Variants in SPATA7 observed in about 807,000 individuals in gnomAD.
SPATA7 encodes the protein spermatogenesis-associated protein 7.
A neutral mutation model predicts 51.8 loss-of-function variants in SPATA7; 43 were observed. The observed-to-expected ratio is 0.83, with a 90% CI of 0.65 to 1.07. The LOEUF (loss-of-function observed/expected upper bound fraction) is 1.07. Among genes scored for constraint, SPATA7 ranks in the 50% least tolerant of loss-of-function variants. The pLI, the probability that SPATA7 is intolerant of heterozygous loss-of-function variation, is 0.00. For synonymous variants in SPATA7, 230 were observed against 252.8 expected (o/e 0.91, Z 0.86); for missense variants, 683 against 701.3 (o/e 0.97, Z 0.30).
intron 3 of SPATA7, among the ~76,000 whole-genome samples, chr14:88,446,385 T>A (rs1489768594): frequency 6.6e-6 from 1 of 152,224 alleles, no homozygotes; most frequent in African/African-American, 2.4e-5. Flanking sequence ...TTTTTGTTTA[T>A]TAGTCTTGCT....
intron 4 of SPATA7, among the ~76,000 whole-genome samples, chr14:88,402,959 C>CAAAAAAGA (rs2076103316): frequency 1.6e-5 from 1 of 62,018 alleles, no homozygotes; most frequent in African/African-American, 5.1e-5. Flanking sequence ...AACTCAATAG[C>CAAAAAAGA]AAAAAAAAAA....
chr14:88,432,577 T>C (rs2076970830), intron 9 of SPATA7: 1 of 152,264 alleles, frequency 6.6e-6, no homozygotes, highest in African/African-American at 2.4e-5. Flanking sequence ...TGAGAATTTT[T>C]CGTCTCCAAA....
At chr14:88,409,218 T>C (rs1469824041) in intron 4 of SPATA7, among the ~76,000 whole-genome samples, 1 of 152,170 alleles carries the variant, frequency 6.6e-6, no homozygotes, top group African/African-American at 2.4e-5. Flanking sequence ...TGTGAATCCA[T>C]CTGGTTTTGG....
intron 4 of SPATA7, chr14:88,465,789 GATT>G (rs2077354517): frequency 1.3e-5 from 2 of 152,134 alleles, no homozygotes; most frequent in African/African-American, 4.8e-5. Flanking sequence ...AATGTGGATA[GATT>G]TTTATTCAGA....
In SPATA7 at chr14:88,438,363, G is replaced by C. The variant is rs1566791616; in HGVS notation, c.1741G>C (p.Glu581Gln). 6.2e-7 allele frequency: 1 copy of C among 1,614,050 alleles called. No homozygotes were observed. The highest frequency in any genetic ancestry group is 1.7e-5 in the Admixed American group (1 of 59,988). The part of the protein sequence containing the change: ...SVKGDNNHDM[E>Q]LSTLKIMEMS... ...CAAAGGCGACAATAATCATGACATG[G>C]AGTTATCAACTCTTAAAATCATGGA... The change falls in exon 12 of 12, where the codon GAG becomes CAG. Residue 581 changes from glutamate to glutamine, a missense_variant. Glu to Gln is a conservative substitution (Grantham distance 29). Coordinates refer to ENST00000393545, the MANE Select transcript of SPATA7 (RefSeq NM_018418.5).
chr14:88,396,864 T>C (rs2075894358), intron 4 of SPATA7, among the ~76,000 whole-genome samples: 2 of 102,576 alleles, frequency 1.9e-5, no homozygotes, highest in African/African-American at 5.5e-5. Context: ...TTTTCTTTTC[T>C]TTTCTTTTTT....
chr14:88,394,317 G>T (rs1056277124), intron 3 of SPATA7, among the ~76,000 whole-genome samples: 1 of 152,064 alleles, frequency 6.6e-6, no homozygotes, highest in East Asian at 1.9e-4. Flanking sequence ...GTCCTTTGCC[G>T]TCAGTCCCCT....
At chr14:88,411,986 A>T (rs2076352947) in intron 4 of SPATA7, among the ~76,000 whole-genome samples, 1 of 152,030 alleles carries the variant, frequency 6.6e-6, no homozygotes. Context: ...CATTCCCAAG[A>T]ACAGTGTGTA....
intron 4 of SPATA7, among the ~76,000 whole-genome samples, chr14:88,464,241 G>C (rs2140065655): frequency 6.6e-6 from 1 of 152,148 alleles, no homozygotes. Context: ...GTTTTCCCAG[G>C]CAAATTTCTA....
downstream of SPATA7, among the ~76,000 whole-genome samples, chr14:88,456,649 A>G (rs1253956682): frequency 4.0e-5 from 6 of 150,044 alleles, no homozygotes; most frequent in Non-Finnish European, 8.8e-5. Context: ...AGTAGATTGC[A>G]AAAATTTTCT....
At chr14:88,435,435 G>A (rs1368891417) in intron 10 of SPATA7, among the ~76,000 whole-genome samples, 1 of 152,188 alleles carries the variant, frequency 6.6e-6, no homozygotes, top group Non-Finnish European at 1.5e-5. Flanking sequence ...AGTTACAAAC[G>A]ATCAGATTAC....
At chr14:88,445,883 T>C (rs1189932767) in intron 3 of SPATA7, among the ~76,000 whole-genome samples, 2 of 152,166 alleles carry the variant, frequency 1.3e-5, no homozygotes, top group African/African-American at 4.8e-5. Flanking sequence ...CTGGATTCGG[T>C]TTGCCAGTAT....
At chr14:88,444,753 A>C (rs898495491) in intron 3 of SPATA7, among the ~76,000 whole-genome samples, 21 of 152,128 alleles carry the variant, frequency 1.4e-4, no homozygotes, top group Non-Finnish European at 2.8e-4. Context: ...TCCTTTCCCC[A>C]TTGCTTGTTT....
At chr14:88,456,060 A>G (rs1297395178), downstream of SPATA7, among the ~76,000 whole-genome samples, 1 of 152,016 alleles carries the variant, frequency 6.6e-6, no homozygotes, top group African/African-American at 2.4e-5. Context: ...TGAACTCATC[A>G]TTTTTTATGG....
rs545998461 is a variant in SPATA7 at position 88,438,049 on chromosome 14, C to T, written c.1427C>T (p.Ser476Leu). 26 of 1,613,998 alleles carry T rather than the reference C, an allele frequency of 1.6e-5. No individual in the cohort carries two copies. The highest frequency in any genetic ancestry group is 5.0e-5 in the Admixed American group (3 of 60,006). ...QYQKALDMLLSAPKDENEIFP... is the reference protein window; with the variant it reads ...QYQKALDMLLLAPKDENEIFP... ...CAAAAGGCTTTGGATATGTTATTGT[C>T]GGCACCAAAGGATGAGAACGAGATA... is the stretch of plus-strand genomic sequence containing the variant. The change falls in exon 12 of 12, where the codon TCG (serine) becomes TTG (leucine). Residue 476 changes from serine (S) to leucine (L), a missense_variant. By Grantham distance (145) the Ser-to-Leu change is moderately radical (BLOSUM62 -2). Transcript: ENST00000393545.
chr14:88,401,316 T>C (rs180937959), intron 4 of SPATA7, among the ~76,000 whole-genome samples: 3 of 152,176 alleles, frequency 2.0e-5, no homozygotes, highest in East Asian at 3.9e-4. Flanking sequence ...TGATAAACTC[T>C]CTCAACAAAA....
intron 10 of SPATA7, among the ~76,000 whole-genome samples, chr14:88,435,276 AT>A (rs1405839938): frequency 6.6e-6 from 1 of 152,126 alleles, no homozygotes; most frequent in African/African-American, 2.4e-5. Flanking sequence ...GAGTTTTTAA[AT>A]TTTTTAATTA....
intron 10 of SPATA7, 40 bp downstream of exon 10, chr14:88,433,252 A>G (rs763725441): frequency 5.2e-6 from 7 of 1,350,534 alleles, no homozygotes; most frequent in South Asian, 2.4e-5. Flanking sequence ...TCAGGAGTAC[A>G]TTAAATATTC....
intron 6 of SPATA7, 69 bp downstream of exon 6, chr14:88,426,773 C>T (rs374210545): frequency 6.6e-6 from 9 of 1,368,740 alleles, no homozygotes; most frequent in African/African-American, 1.4e-5. Flanking sequence ...ATTAATATTC[C>T]TTGTTTTCTG....
Sources: gnomAD v4.1 joint callset for allele counts (sites outside exome capture counted in the v4.1 genomes callset) on GRCh38, gnomAD v4.1.1 for gene constraint, MANE v1.5 for transcripts, NCBI Gene and HGNC (gene_info 2026-07-23, HGNC 2026-07-21) for gene names.